Variants in MTCL1 observed in about 807,000 individuals in gnomAD.
The protein encoded by MTCL1 is microtubule cross-linking factor 1.
Under a neutral mutation model 141.4 loss-of-function variants are expected in MTCL1, and 79 were observed. The observed-to-expected ratio is 0.56, with a 90% CI of 0.47 to 0.67. MTCL1 has a LOEUF of 0.67. Among genes scored for constraint, MTCL1 ranks in the 30% least tolerant of loss-of-function variants. The pLI, the probability that MTCL1 is intolerant of heterozygous loss-of-function variation, is 0.00. For missense variants in MTCL1, 2,177 were observed against 2,113.9 expected (o/e 1.03, Z -0.59); for synonymous variants, 914 against 875.8 (o/e 1.04, Z -0.77).
Position 8,706,525 on chromosome 18 carries a change from G to A in MTCL1, c.865G>A (p.Val289Ile), listed in dbSNP as rs1435724653. ...CGGGGGCCGGAGCATCCCGAGCGGG[G>A]TTTCGGGGGGTTTCGCGGGGCCCGG... Residue 289 changes from valine to isoleucine, a missense_variant, in exon 1 of 14, where the codon GTT becomes ATT. Transcript: ENST00000306329. The A allele has an allele frequency of 2.2e-6, 3 of 1,366,154 alleles. No individual in the cohort carries two copies. In the African/African-American group the frequency reaches 4.6e-5, roughly 21 times the overall value. The allele number at this position is 1,366,154 out of a possible 1,614,324, so 84.6% of individuals were successfully genotyped here.
exon 10 of MTCL1, chr18:8,798,258 G>T (rs765014540): frequency 8.3e-6 from 13 of 1,572,988 alleles, no homozygotes; most frequent in Non-Finnish European, 1.1e-5. Context: ...GCTTGCGGCT[G>T]CAGACCGCGG....
intron 4 of MTCL1, among the ~76,000 whole-genome samples, chr18:8,739,736 C>G (rs547409530): frequency 3.2e-4 from 1 of 3,174 alleles, no homozygotes; most frequent in Non-Finnish European, 5.3e-4. Context: ...TTTGTTTGTT[C>G]GTTTGTTTTT....
At chr18:8,742,883 A>G (rs919001315) in intron 4 of MTCL1, among the ~76,000 whole-genome samples, 6 of 152,230 alleles carry the variant, frequency 3.9e-5, no homozygotes, top group African/African-American at 1.4e-4. Flanking sequence ...TATGACTACA[A>G]TAATACTGTG....
intron 8 of MTCL1, among the ~76,000 whole-genome samples, chr18:8,795,154 T>C (rs916915898): frequency 6.6e-6 from 1 of 152,266 alleles, no homozygotes; most frequent in African/African-American, 2.4e-5. Context: ...AGTCGTTGTC[T>C]AGACCTATGG....
chr18:8,783,504 T>C, intron 5 of MTCL1, 26 bp from the exon 5 acceptor site: 1 of 1,548,666 alleles, frequency 6.5e-7, no homozygotes, highest in South Asian at 1.2e-5. Flanking sequence ...AAATAACCCT[T>C]CTCCCGGGCT....
At chr18:8,722,754 A>G (rs1227586113) in intron 4 of MTCL1, among the ~76,000 whole-genome samples, 2 of 152,210 alleles carry the variant, frequency 1.3e-5, no homozygotes, top group Non-Finnish European at 2.9e-5. Flanking sequence ...GTGGACTTTC[A>G]CAGTTCAAAA....
At chr18:8,825,572 T>C (rs781149004) in exon 15 of MTCL1, 1 of 1,613,084 alleles carries the variant, frequency 6.2e-7, no homozygotes, top group South Asian at 1.1e-5. Context: ...CTGGGGGCGG[T>C]GCTACACCCG....
intron 10 of MTCL1, chr18:8,800,730 C>T (rs919797933): frequency 7.2e-5 from 11 of 152,252 alleles, no homozygotes; most frequent in Admixed American, 4.6e-4. Context: ...GCTGTTTATG[C>T]ATTTCATGCT....
At position 8,789,646 on chromosome 18, in the gene MTCL1, G is replaced by A. The variant is rs77125102; in HGVS notation, c.1888-3352G>A. ...AGTGTCTCAGCAGCCTCGGAAACAA[G>A]TGAGGGTGGTGGTGGTTTAGATAAG... On this transcript the variant is annotated intron_variant, in intron 7 of 16. Transcript: ENST00000359865. 2.6e-3 allele frequency: 2,606 copies of A among 985,422 alleles called. 57 individuals carry two copies. The African/African-American group carries it at 0.042, about 16-fold the overall frequency. 61.0% of individuals were successfully genotyped at this position (985,422 alleles called of 1,614,324 possible).
chr18:8,768,438 A>C (rs2096469329), intron 4 of MTCL1, among the ~76,000 whole-genome samples: 1 of 152,186 alleles, frequency 6.6e-6, no homozygotes, highest in African/African-American at 2.4e-5. Flanking sequence ...TGTACTCTAT[A>C]ATTAGAATCA....
At chr18:8,823,303 G>A (rs951544732) in intron 14 of MTCL1, among the ~76,000 whole-genome samples, 2 of 152,160 alleles carry the variant, frequency 1.3e-5, no homozygotes, top group East Asian at 1.9e-4. Context: ...ATGCCCCAGA[G>A]GCACTGAGTT....
chr18:8,796,456 C>A, exon 9 of MTCL1: 1 of 1,613,936 alleles, frequency 6.2e-7, no homozygotes, highest in South Asian at 1.1e-5. Flanking sequence ...GAGAGGAGTT[C>A]ACTGAGGTAA....
At chr18:8,788,726 G>A (rs1373558892) in intron 7 of MTCL1, among the ~76,000 whole-genome samples, 1 of 152,188 alleles carries the variant, frequency 6.6e-6, no homozygotes, top group Non-Finnish European at 1.5e-5. Context: ...TGGGAAAGGG[G>A]CGGCCTCTCC....
chr18:8,829,022 C>T (rs1310946566), intron 16 of MTCL1: 4 of 1,613,088 alleles, frequency 2.5e-6, no homozygotes, highest in Non-Finnish European at 3.4e-6. Flanking sequence ...GTGTAACTCG[C>T]AGTTGGCACC....
rs1023219018 is a variant in MTCL1 at position 8,822,741 on chromosome 18, C to T, written c.3188+1243C>T. Among the ~76,000 whole-genome samples the T allele has an allele frequency of 6.6e-6, 1 of 152,010 alleles. No individual in the cohort carries two copies. Among genetic ancestry groups the T allele is most frequent in the African/African-American group, 2.4e-5 (1 of 41,378 alleles). On this transcript the variant is annotated intron_variant, in intron 14 of 16. Transcript: ENST00000359865. This position sits in a 1 kb window ranked among gnomAD's most constrained non-coding sequence, Gnocchi z 4.6. Reference sequence around the variant, plus strand: ...GTTAATACACATAATGAAAGCAGCACATGGCACAAAACAAACAGTAAACAG... The same window carrying T: ...GTTAATACACATAATGAAAGCAGCATATGGCACAAAACAAACAGTAAACAG...
At position 8,792,847 on chromosome 18, in the gene MTCL1, G is replaced by A. The variant is rs1017223975; in HGVS notation, c.1888-151G>A. On this transcript the variant is annotated intron_variant, in intron 7 of 16. Coordinates refer to ENST00000359865, the Ensembl canonical transcript of MTCL1. Reference sequence around the variant, plus strand: ...GTGGAGTCTAGAGGGAGGCCCCAGCGGAGCTGCCACAGTCACTCCACTGCT... The same window carrying A: ...GTGGAGTCTAGAGGGAGGCCCCAGCAGAGCTGCCACAGTCACTCCACTGCT... 1.2e-5 allele frequency: 13 copies of A among 1,072,482 alleles called. No homozygotes were observed. In the African/African-American group the frequency reaches 1.6e-4, roughly 13 times the overall value. 66.4% of individuals were successfully genotyped at this position (1,072,482 alleles called of 1,614,324 possible).
chr18:8,786,012 C>G (rs777046583), exon 7 of MTCL1: 1 of 1,583,782 alleles, frequency 6.3e-7, no homozygotes, highest in South Asian at 1.1e-5. Flanking sequence ...CGCCTCCGAG[C>G]CGCGCGGGAG....
intron 4 of MTCL1, among the ~76,000 whole-genome samples, chr18:8,774,533 G>A (rs1324728090): frequency 1.3e-5 from 2 of 151,526 alleles, no homozygotes; most frequent in Non-Finnish European, 2.9e-5. Flanking sequence ...TGTTGCCCAG[G>A]CTGGAGTGCA....
intron 12 of MTCL1, among the ~76,000 whole-genome samples, chr18:8,818,481 T>C (rs2076734917): frequency 1.3e-5 from 2 of 152,254 alleles, no homozygotes; most frequent in Non-Finnish European, 2.9e-5. Context: ...GAATTACTGA[T>C]AGGACCTGTT....
Sources: allele counts gnomAD v4.1 joint callset (sites outside exome capture counted in the v4.1 genomes callset), GRCh38; gene constraint gnomAD v4.1.1; non-coding constraint Gnocchi (gnomAD v3.1); transcripts MANE v1.5; gene names NCBI Gene and HGNC (gene_info 2026-07-23, HGNC 2026-07-21).